The following CDK19 variants were observed in gnomAD, a reference collection of about 807,000 sequenced individuals.
CDK19 encodes the protein cyclin-dependent kinase 19.
Under a neutral mutation model 68.3 loss-of-function variants are expected in CDK19, and 20 were observed. The ratio of observed to expected loss-of-function variants is 0.29; its 90% CI spans 0.21 to 0.43. The LOEUF (loss-of-function observed/expected upper bound fraction) is 0.43, where lower values mean the gene tolerates loss of function less well. Ranked by LOEUF, CDK19 falls within the 20% of genes least tolerant of loss-of-function variation. The pLI is 1.00. For missense variants in CDK19, 339 were observed against 623.5 expected (o/e 0.54, Z 4.86); for synonymous variants, 221 against 222.8 (o/e 0.99, Z 0.07).
intron 2 of CDK19, among the ~76,000 whole-genome samples, chr6:110,704,772 G>A (rs1032680917): frequency 2.6e-5 from 4 of 152,100 alleles, no homozygotes; most frequent in African/African-American, 9.7e-5. Flanking sequence ...TAATCTACAC[G>A]TGCCCCAGGA....
chr6:110,724,042 G>A (rs1260730064), intron 2 of CDK19, among the ~76,000 whole-genome samples: 5 of 148,950 alleles, frequency 3.4e-5, no homozygotes, highest in Admixed American at 6.7e-5. Context: ...TAGTTTAAAA[G>A]AAAGTAATTT....
At chr6:110,768,561 T>A (rs1583057265) in intron 1 of CDK19, among the ~76,000 whole-genome samples, 1 of 152,142 alleles carries the variant, frequency 6.6e-6, no homozygotes, top group South Asian at 2.1e-4. Flanking sequence ...TAAAAAGAAA[T>A]GAGCTATCAA....
chr6:110,739,088 G>C (rs945796361), intron 2 of CDK19, among the ~76,000 whole-genome samples: 1 of 152,202 alleles, frequency 6.6e-6, no homozygotes, highest in African/African-American at 2.4e-5. Flanking sequence ...GCAGTCTGAA[G>C]AAGTCAGTAT....
intron 1 of CDK19, among the ~76,000 whole-genome samples, chr6:110,808,360 T>G (rs533432847): frequency 6.6e-6 from 1 of 152,196 alleles, no homozygotes; most frequent in Non-Finnish European, 1.5e-5. Flanking sequence ...GTCAACAAAC[T>G]ATAGCCTGCA....
intron 1 of CDK19, among the ~76,000 whole-genome samples, chr6:110,793,198 T>C (rs1323513474): frequency 6.6e-6 from 1 of 152,218 alleles, no homozygotes; most frequent in African/African-American, 2.4e-5. Context: ...TCAAATCATT[T>C]AGTCCCCAAA....
chr6:110,650,822 C>T (rs1034139183), intron 4 of CDK19, among the ~76,000 whole-genome samples: 2 of 152,168 alleles, frequency 1.3e-5, no homozygotes, highest in Non-Finnish European at 2.9e-5. Context: ...GAAGGGCTTG[C>T]TTGCTGTTTC....
At chr6:110,633,446 AATTGGGAC>A (rs942139479) in intron 5 of CDK19, among the ~76,000 whole-genome samples, 9 of 152,194 alleles carry the variant, frequency 5.9e-5, no homozygotes. Flanking sequence ...AAATGCTACA[AATTGGGAC>A]ATTTTTTGCT....
At chr6:110,756,928 G>A (rs1229513353) in intron 1 of CDK19, among the ~76,000 whole-genome samples, 1 of 152,148 alleles carries the variant, frequency 6.6e-6, no homozygotes, top group Non-Finnish European at 1.5e-5. Flanking sequence ...AACAGAACTG[G>A]AGTTCAGAAA....
chr6:110,765,412 C>T (rs1026829921), intron 1 of CDK19, among the ~76,000 whole-genome samples: 1 of 151,358 alleles, frequency 6.6e-6, no homozygotes, highest in African/African-American at 2.4e-5. Flanking sequence ...GACGCGGTGG[C>T]TCACGCCTGT....
intron 4 of CDK19, chr6:110,646,571 G>A: frequency 1.1e-6 from 1 of 950,008 alleles, no homozygotes; most frequent in Non-Finnish European, 1.4e-6. Flanking sequence ...ACGGCCACCT[G>A]CAGGGGGTCA....
chr6:110,733,580 C>T (rs773737414), intron 2 of CDK19, among the ~76,000 whole-genome samples: 7 of 152,116 alleles, frequency 4.6e-5, no homozygotes, highest in Non-Finnish European at 8.8e-5. Flanking sequence ...ACCAGTTACT[C>T]CATAACTTCA....
In CDK19 at chr6:110,815,264, G is replaced by T; in HGVS notation, c.-128C>A. 9.3e-7 allele frequency: 1 copy of T among 1,076,700 alleles called. No homozygotes were observed. The highest frequency in any genetic ancestry group is 1.2e-6 in the Non-Finnish European group (1 of 827,598). 66.7% of individuals were successfully genotyped at this position (1,076,700 alleles called of 1,614,324 possible). A position where few individuals can be genotyped will look rare whatever the true frequency, so the allele number is the denominator to read the frequency against. On this transcript the variant is annotated 5_prime_UTR_variant, in exon 1 of 13. Transcript: ENST00000368911. ...TCTCGCGCGCGCGCGCGCGCCGCCC[G>T]CCGCCCGCCGCTCCGCGGTCCGCCT...
At chr6:110,769,592 TA>T (rs1779864278) in intron 1 of CDK19, among the ~76,000 whole-genome samples, 6 of 150,626 alleles carry the variant, frequency 4.0e-5, no homozygotes, top group Admixed American at 6.6e-5. Flanking sequence ...ATAATAATAA[TA>T]ATAATAGGGA....
At chr6:110,633,762 C>T (rs1239037160) in intron 5 of CDK19, among the ~76,000 whole-genome samples, 1 of 152,202 alleles carries the variant, frequency 6.6e-6, no homozygotes, top group Middle Eastern at 3.2e-3. Context: ...ATTGAATCCT[C>T]ATAAGAACAC....
At chr6:110,769,987 G>A (rs1036126440) in intron 1 of CDK19, among the ~76,000 whole-genome samples, 1 of 151,916 alleles carries the variant, frequency 6.6e-6, no homozygotes, top group African/African-American at 2.4e-5. Flanking sequence ...ACTGAAAAAA[G>A]TAAAATAAAG....
intron 1 of CDK19, among the ~76,000 whole-genome samples, chr6:110,746,633 A>G (rs1778095696): frequency 6.6e-6 from 1 of 152,214 alleles, no homozygotes; most frequent in South Asian, 2.1e-4. Context: ...TTCATAGTAT[A>G]AGAAGCTTTA....
chr6:110,690,771 TAG>T (rs1461873391), intron 2 of CDK19, among the ~76,000 whole-genome samples: 1 of 152,184 alleles, frequency 6.6e-6, no homozygotes, highest in African/African-American at 2.4e-5. Context: ...AGAACTCATA[TAG>T]AGTCATCACC....
intron 1 of CDK19, among the ~76,000 whole-genome samples, chr6:110,794,203 G>A (rs534554477): frequency 2.0e-5 from 3 of 151,884 alleles, no homozygotes; most frequent in South Asian, 4.2e-4. Context: ...CTGCCACCAC[G>A]CCTAGCTAAC....
At chr6:110,679,568 C>T (rs563843342) in intron 2 of CDK19, among the ~76,000 whole-genome samples, 2 of 152,218 alleles carry the variant, frequency 1.3e-5, no homozygotes, top group African/African-American at 4.8e-5. Context: ...GCCAAGATCA[C>T]ACCATTGCAC....
Sources: gnomAD v4.1 joint callset for allele counts (sites outside exome capture counted in the v4.1 genomes callset) on GRCh38, gnomAD v4.1.1 for gene constraint, MANE v1.5 for transcripts, NCBI Gene and HGNC (gene_info 2026-07-23, HGNC 2026-07-21) for gene names.